The following PIK3R3 variants were observed in gnomAD, a reference collection of about 807,000 sequenced individuals.
PIK3R3 encodes the protein phosphatidylinositol 3-kinase regulatory subunit gamma.
PIK3R3 carries 64 observed loss-of-function variants against 62.9 expected under a neutral mutation model. That is an observed-to-expected ratio of 1.02 (90% CI 0.83 to 1.25). The LOEUF is 1.25. PIK3R3 is among the 50% of genes most tolerant of loss of function. PIK3R3 has a pLI of 0.00. For synonymous variants in PIK3R3, 165 were observed against 189.0 expected (o/e 0.87, Z 1.04); for missense variants, 614 against 561.6 (o/e 1.09, Z -0.94).
At chr1:46,159,857 A>T in the PIK3R3 span, among the ~76,000 whole-genome samples, 1 of 152,088 alleles carries the variant, frequency 6.6e-6, no homozygotes, top group African/African-American at 2.4e-5. Context: ...CAAATTTAAT[A>T]CTAAATTCTT....
chr1:46,157,043 T>C, the PIK3R3 span, among the ~76,000 whole-genome samples: 2 of 152,208 alleles, frequency 1.3e-5, no homozygotes, highest in Non-Finnish European at 2.9e-5. Context: ...CAGTCACCTA[T>C]GTTCAAGGCC....
intron 3 of PIK3R3, among the ~76,000 whole-genome samples, chr1:46,077,128 C>T (rs1650136210): frequency 6.6e-6 from 1 of 152,138 alleles, no homozygotes; most frequent in African/African-American, 2.4e-5. Context: ...CCTCATCAAC[C>T]AAAATTATGT....
upstream of PIK3R3, chr1:46,132,798 G>A (rs571469694): frequency 2.4e-6 from 3 of 1,256,824 alleles, no homozygotes; most frequent in East Asian, 5.8e-5. Flanking sequence ...ATTCTGTCAA[G>A]TGCCTGAGAA....
chr1:46,163,906 C>T, the PIK3R3 span, among the ~76,000 whole-genome samples: 1 of 152,186 alleles, frequency 6.6e-6, no homozygotes, highest in African/African-American at 2.4e-5. Context: ...ACAACCCAGT[C>T]CTTGAGCTCA....
chr1:46,061,741 G>T (rs1456814755), intron 6 of PIK3R3, among the ~76,000 whole-genome samples, 188 bp downstream of exon 6: 1 of 152,194 alleles, frequency 6.6e-6, no homozygotes, highest in Non-Finnish European at 1.5e-5. Context: ...GAGTTTATCC[G>T]TTTGGGAGAA....
At chr1:46,095,195 G>A (rs1652005943) in intron 1 of PIK3R3, among the ~76,000 whole-genome samples, 1 of 152,086 alleles carries the variant, frequency 6.6e-6, no homozygotes, top group Non-Finnish European at 1.5e-5. Flanking sequence ...GTTCATTGCA[G>A]CACTATACAC....
chr1:46,159,700 G>A, the PIK3R3 span, among the ~76,000 whole-genome samples: 8 of 150,534 alleles, frequency 5.3e-5, 1 homozygote, highest in Middle Eastern at 0.01. Context: ...TGTTATCCCC[G>A]TCCTGCACCT....
At chr1:46,078,098 T>A (rs868394077) in intron 2 of PIK3R3, among the ~76,000 whole-genome samples, 33 of 152,280 alleles carry the variant, frequency 2.2e-4, no homozygotes, top group African/African-American at 7.5e-4. Context: ...TAGAGTTGAT[T>A]TAGGACTTTA....
At chr1:46,081,374 C>T (rs537785978) in intron 1 of PIK3R3, among the ~76,000 whole-genome samples, 1 of 152,158 alleles carries the variant, frequency 6.6e-6, no homozygotes, top group Admixed American at 6.5e-5. Flanking sequence ...TGCGGACTGG[C>T]ACTGGTCCAC....
chr1:46,135,513 A>G (rs1035100963), upstream of PIK3R3, among the ~76,000 whole-genome samples: 10 of 152,248 alleles, frequency 6.6e-5, no homozygotes, highest in Non-Finnish European at 1.2e-4. Flanking sequence ...CCAAATGGCT[A>G]GGATGCCCTT....
intron 1 of PIK3R3, among the ~76,000 whole-genome samples, chr1:46,108,942 G>A (rs758724502): frequency 6.6e-6 from 1 of 152,112 alleles, no homozygotes; most frequent in Non-Finnish European, 1.5e-5. Context: ...GGCGGATCAC[G>A]AGGTCAGGAG....
Position 46,043,734 on chromosome 1 carries a change from T to G in PIK3R3, c.1325A>C (p.Asp442Ala), listed in dbSNP as rs1458788186. 6 of 1,613,756 alleles carry G rather than the reference T, an allele frequency of 3.7e-6. No homozygotes were observed. Among genetic ancestry groups the G allele is most frequent in the East Asian group, 2.2e-5 (1 of 44,876 alleles). The part of the protein sequence containing the change: ...YQQTSLVQHN[D>A]SLNVRLAYPV... ...GTAGGCAAGCCTGACGTTGAGGGAG[T>G]CGTTGTGCTGAACCAAGGATGTCTG... The change falls in exon 10 of 10, where the codon GAC (aspartate) becomes GCC (alanine). Residue 442 changes from aspartate (D) to alanine (A), a missense_variant. By Grantham distance (126) the Asp-to-Ala change is moderately radical. Transcript: ENST00000262741.
At chr1:46,088,628 G>A (rs933867946) in intron 1 of PIK3R3, among the ~76,000 whole-genome samples, 5 of 151,998 alleles carry the variant, frequency 3.3e-5, no homozygotes, top group Non-Finnish European at 5.9e-5. Flanking sequence ...AAAAATAGGA[G>A]AAAGATAAGA....
chr1:46,048,474 G>A (rs191448196), intron 7 of PIK3R3: 135 of 152,066 alleles, frequency 8.9e-4, no homozygotes, highest in African/African-American at 3.1e-3. Flanking sequence ...CCACACCATC[G>A]CGTCTGTCAT....
At chr1:46,168,272 C>T in the PIK3R3 span, among the ~76,000 whole-genome samples, 3 of 152,178 alleles carry the variant, frequency 2.0e-5, no homozygotes, top group Non-Finnish European at 4.4e-5. Flanking sequence ...AAGTCCAAGC[C>T]TCTCTTTTAG....
At chr1:46,150,663 C>T in the PIK3R3 span, among the ~76,000 whole-genome samples, 45 of 152,280 alleles carry the variant, frequency 3.0e-4, 2 homozygotes, top group South Asian at 6.2e-3. Context: ...AATTAAAACT[C>T]TAAGTTAGAG....
chr1:46,108,561 G>T (rs1653422947), intron 1 of PIK3R3, among the ~76,000 whole-genome samples: 1 of 152,082 alleles, frequency 6.6e-6, no homozygotes, highest in Non-Finnish European at 1.5e-5. Context: ...GTAATCAATG[G>T]GTACTCTAAA....
At chr1:46,106,999 G>A (rs9429189) in intron 1 of PIK3R3, among the ~76,000 whole-genome samples, 69,695 of 151,762 alleles carry the variant, frequency 0.46, 16,148 homozygotes, top group East Asian at 0.61. Context: ...GACCTCAGAT[G>A]ATCCACCCGC....
At chr1:46,158,352 C>T in the PIK3R3 span, among the ~76,000 whole-genome samples, 4 of 152,338 alleles carry the variant, frequency 2.6e-5, no homozygotes, top group East Asian at 7.7e-4. Flanking sequence ...GCAGTTTCCC[C>T]CACCCCACTT....
Sources: allele counts gnomAD v4.1 joint callset (sites outside exome capture counted in the v4.1 genomes callset), GRCh38; gene constraint gnomAD v4.1.1; transcripts MANE v1.5; gene names NCBI Gene and HGNC (gene_info 2026-07-23, HGNC 2026-07-21).